Variants in VPS8 observed in about 807,000 individuals in gnomAD.
The protein encoded by VPS8 is VPS8 subunit of CORVET complex.
Under a neutral mutation model 216.4 loss-of-function variants are expected in VPS8, and 129 were observed. That is an observed-to-expected ratio of 0.60 (90% CI 0.52 to 0.69). The LOEUF (loss-of-function observed/expected upper bound fraction) is 0.69. Ranked by LOEUF, VPS8 falls within the 30% of genes least tolerant of loss-of-function variation. The probability of loss-of-function intolerance (pLI) is 0.00; values close to 1 mark genes in which losing one functional copy is unlikely to be tolerated. For synonymous variants in VPS8, 571 were observed against 565.4 expected, an observed-to-expected ratio of 1.01 and a Z score of -0.14; for missense variants, 1,531 against 1,683.5, an observed-to-expected ratio of 0.91 and a Z score of 1.59.
intron 40 of VPS8, among the ~76,000 whole-genome samples, chr3:184,976,505 C>T (rs1442598607): frequency 1.3e-5 from 2 of 151,816 alleles, no homozygotes; most frequent in East Asian, 3.9e-4. Context: ...TAATGCTGGC[C>T]TTTGTTACCT....
intron 21 of VPS8, among the ~76,000 whole-genome samples, chr3:184,878,563 G>A (rs1729695258): frequency 6.6e-6 from 1 of 152,180 alleles, no homozygotes; most frequent in African/African-American, 2.4e-5. Flanking sequence ...AGAGTGGACA[G>A]TGACTACAAG....
intron 22 of VPS8, among the ~76,000 whole-genome samples, chr3:184,891,792 A>G (rs1161878989): frequency 2.0e-5 from 3 of 152,188 alleles, no homozygotes; most frequent in Non-Finnish European, 4.4e-5. Context: ...GTGGGAATTT[A>G]CTTGTTTGGT....
At chr3:185,014,049 A>G (rs1410247034) in intron 45 of VPS8, among the ~76,000 whole-genome samples, 1 of 152,218 alleles carries the variant, frequency 6.6e-6, no homozygotes, top group Non-Finnish European at 1.5e-5. Flanking sequence ...GAGATCAGAA[A>G]GCATGTGTAA....
intron 16 of VPS8, among the ~76,000 whole-genome samples, chr3:184,863,438 A>T (rs1726747277): frequency 6.6e-6 from 1 of 152,216 alleles, no homozygotes; most frequent in Non-Finnish European, 1.5e-5. Context: ...GGGATAAATA[A>T]CTACAGACAG....
intron 25 of VPS8, among the ~76,000 whole-genome samples, chr3:184,907,795 T>C (rs1034935570): frequency 5.3e-5 from 8 of 152,204 alleles, no homozygotes; most frequent in Non-Finnish European, 1.2e-4. Flanking sequence ...TCCTATCAGT[T>C]CCTGCTTCAT....
In VPS8 at chr3:185,012,952, TAGCTAAAAGC is replaced by T. The variant is rs1561114572; in HGVS notation, c.4003-11382_4003-11373del. Among the ~76,000 whole-genome samples the T allele has an allele frequency of 1.9e-3, 297 of 152,314 alleles. 1 individual carries two copies. The highest frequency in any genetic ancestry group is 6.4e-3 in the African/African-American group (266 of 41,548). ...AGTATTGTTTCTATAGATTATAGAT[TAGCTAAAAGC>T]ATTTCCTACGGGAAATAACTAAAAG... On this transcript the variant is annotated intron_variant, in intron 45 of 47. Transcript: ENST00000625842.
intron 45 of VPS8, among the ~76,000 whole-genome samples, chr3:185,001,320 C>A (rs1321366664): frequency 6.6e-6 from 1 of 152,178 alleles, no homozygotes; most frequent in Non-Finnish European, 1.5e-5. Flanking sequence ...TTTTGTCTGA[C>A]TTGGCTGCAA....
chr3:184,863,483 A>G (rs1006397310), intron 16 of VPS8, among the ~76,000 whole-genome samples: 15 of 152,172 alleles, frequency 9.9e-5, no homozygotes, highest in Non-Finnish European at 1.3e-4. Flanking sequence ...TTTGGGTGAT[A>G]ATGGTAAAGG....
chr3:185,050,202 G>A (rs746707198), intron 47 of VPS8, among the ~76,000 whole-genome samples: 2 of 151,610 alleles, frequency 1.3e-5, no homozygotes, highest in Non-Finnish European at 2.9e-5. Flanking sequence ...AGCGTCTGTG[G>A]CTCATTCTGT....
At chr3:184,936,950 G>A (rs1030446699) in intron 35 of VPS8, among the ~76,000 whole-genome samples, 1 of 152,036 alleles carries the variant, frequency 6.6e-6, no homozygotes, top group African/African-American at 2.4e-5. Flanking sequence ...ATGTTACCAG[G>A]TTGGTCTTGA....
chr3:184,851,789 A>G (rs1275733276), intron 10 of VPS8, among the ~76,000 whole-genome samples: 1 of 152,192 alleles, frequency 6.6e-6, no homozygotes, highest in Non-Finnish European at 1.5e-5. Context: ...AGGATGGTTC[A>G]CTAACCTTTG....
chr3:184,966,082 G>A (rs1008798222), intron 38 of VPS8, among the ~76,000 whole-genome samples: 2 of 152,160 alleles, frequency 1.3e-5, no homozygotes, highest in Non-Finnish European at 2.9e-5. Context: ...TCTGCAGGCT[G>A]TGTTAGCATC....
intron 40 of VPS8, among the ~76,000 whole-genome samples, chr3:184,982,171 A>G (rs1750316664): frequency 6.6e-6 from 1 of 152,122 alleles, no homozygotes; most frequent in Non-Finnish European, 1.5e-5. Flanking sequence ...TTATGCAGCA[A>G]TAGTGTTATT....
intron 37 of VPS8, 75 bp downstream of exon 37, chr3:184,957,596 AG>A: frequency 6.9e-7 from 1 of 1,439,294 alleles, no homozygotes; most frequent in Non-Finnish European, 9.3e-7. Flanking sequence ...ATCAAAGACA[AG>A]GGGAAAAAAT....
At chr3:184,832,207 T>C (rs2108545985) in intron 3 of VPS8, among the ~76,000 whole-genome samples, 1 of 152,308 alleles carries the variant, frequency 6.6e-6, no homozygotes, top group South Asian at 2.1e-4. Context: ...ACAAAATCTG[T>C]ATTGTGAAAT....
chr3:184,863,449 G>A (rs1250560541), intron 16 of VPS8, among the ~76,000 whole-genome samples: 1 of 152,130 alleles, frequency 6.6e-6, no homozygotes, highest in East Asian at 1.9e-4. Context: ...CTACAGACAG[G>A]TACTCTATGA....
chr3:184,995,419 G>A (rs1430143689), intron 43 of VPS8, among the ~76,000 whole-genome samples: 2 of 152,148 alleles, frequency 1.3e-5, no homozygotes, highest in Non-Finnish European at 2.9e-5. Context: ...GGTTAGCAGA[G>A]GTATAGTTGT....
intron 35 of VPS8, among the ~76,000 whole-genome samples, chr3:184,937,151 A>G (rs1741790888): frequency 6.6e-6 from 1 of 152,234 alleles, no homozygotes; most frequent in Non-Finnish European, 1.5e-5. Flanking sequence ...TATGCATGGT[A>G]AATATTGAGA....
chr3:184,904,750 T>C (rs1050006053), intron 25 of VPS8, among the ~76,000 whole-genome samples: 1 of 152,192 alleles, frequency 6.6e-6, no homozygotes, highest in Non-Finnish European at 1.5e-5. Context: ...CTCTCTTTTA[T>C]TTTTTGGAAG....
Sources: allele counts gnomAD v4.1 joint callset (sites outside exome capture counted in the v4.1 genomes callset), GRCh38; gene constraint gnomAD v4.1.1; transcripts MANE v1.5; gene names NCBI Gene and HGNC (gene_info 2026-07-23, HGNC 2026-07-21).